SRPK2: variants seen among roughly 807,000 people sequenced by gnomAD.
SRPK2 encodes SRSF protein kinase 2.
Under a neutral mutation model 90.8 loss-of-function variants are expected in SRPK2, and 21 were observed. The ratio of observed to expected loss-of-function variants is 0.23; its 90% CI spans 0.16 to 0.33. The LOEUF (loss-of-function observed/expected upper bound fraction) is 0.33. Ranked by LOEUF, SRPK2 falls within the 10% of genes least tolerant of loss-of-function variation. The pLI is 1.00. For synonymous variants in SRPK2, 288 were observed against 311.1 expected (o/e 0.93, Z 0.78); for missense variants, 620 against 869.0 (o/e 0.71, Z 3.60).
At chr7:105,252,747 CT>C (rs140386836) in intron 2 of SRPK2, among the ~76,000 whole-genome samples, 3,394 of 129,962 alleles carry the variant, frequency 0.026, 64 homozygotes, top group African/African-American at 0.066. Flanking sequence ...TTTTTTTTTT[CT>C]TTTTTTTTTT....
chr7:105,356,862 T>A (rs571986697), intron 2 of SRPK2, among the ~76,000 whole-genome samples: 1 of 152,128 alleles, frequency 6.6e-6, no homozygotes, highest in African/African-American at 2.4e-5. Context: ...AGGCAAAATA[T>A]GAGAAATGAA....
intron 2 of SRPK2, among the ~76,000 whole-genome samples, chr7:105,354,373 A>T (rs1487180635): frequency 6.6e-6 from 1 of 152,100 alleles, no homozygotes; most frequent in Non-Finnish European, 1.5e-5. Context: ...GTACTCAGAG[A>T]TGCTTTTTTC....
chr7:105,321,312 T>C (rs960041725), intron 2 of SRPK2, among the ~76,000 whole-genome samples: 2 of 152,076 alleles, frequency 1.3e-5, no homozygotes, highest in Admixed American at 6.6e-5. Flanking sequence ...TCGTACCTTA[T>C]ACAAAAATAA....
chr7:105,231,500 C>T (rs1228811411), intron 2 of SRPK2, among the ~76,000 whole-genome samples: 15 of 152,114 alleles, frequency 9.9e-5, no homozygotes, highest in Admixed American at 9.8e-4. Context: ...TACTGCTTTC[C>T]ACAGTGGTTG....
chr7:105,276,408 G>A (rs958513399), intron 2 of SRPK2, among the ~76,000 whole-genome samples: 2 of 151,788 alleles, frequency 1.3e-5, no homozygotes, highest in African/African-American at 4.8e-5. Context: ...AAATTAATTC[G>A]TGCCTTACAT....
At chr7:105,344,406 CCTTTTTTTTTTT>C (rs1816208462) in intron 2 of SRPK2, among the ~76,000 whole-genome samples, 1 of 128,612 alleles carries the variant, frequency 7.8e-6, no homozygotes, top group African/African-American at 2.8e-5. Context: ...TGCAGCCACA[CCTTTTTTTTTTT>C]TTTTTTTTTT....
intron 11 of SRPK2, among the ~76,000 whole-genome samples, chr7:105,136,957 G>C (rs1478219863): frequency 6.6e-6 from 1 of 152,106 alleles, no homozygotes; most frequent in Non-Finnish European, 1.5e-5. Context: ...TGGGCAATAA[G>C]GCAAATAAAC....
At chr7:105,182,231 CAAAAAAAAA>C (rs368137906) in intron 3 of SRPK2, among the ~76,000 whole-genome samples, 1 of 65,852 alleles carries the variant, frequency 1.5e-5, no homozygotes, top group African/African-American at 6.1e-5. Context: ...GACTCTGTCT[CAAAAAAAAA>C]AAAAAAAAAA....
At chr7:105,256,056 C>T (rs1300509228) in intron 2 of SRPK2, among the ~76,000 whole-genome samples, 4 of 152,170 alleles carry the variant, frequency 2.6e-5, no homozygotes, top group African/African-American at 2.4e-5. Flanking sequence ...GAGCAGTGAT[C>T]TGCAGTGTTT....
At chr7:105,126,383 A>G (rs1308572455) in intron 14 of SRPK2, 43 bp from the exon 15 acceptor site, 22 of 1,418,338 alleles carry the variant, frequency 1.6e-5, no homozygotes, top group Non-Finnish European at 2.2e-5. Flanking sequence ...GGGAGGGGCA[A>G]AGGGAAGGAT....
At chr7:105,134,942 G>A (rs773473585) in intron 11 of SRPK2, among the ~76,000 whole-genome samples, 7 of 152,122 alleles carry the variant, frequency 4.6e-5, no homozygotes, top group Non-Finnish European at 1.0e-4. Context: ...ATGAGCTCAG[G>A]AAAAGAAACA....
At chr7:105,386,170 C>CAGGT (rs1304311387) in intron 2 of SRPK2, among the ~76,000 whole-genome samples, 1 of 151,868 alleles carries the variant, frequency 6.6e-6, no homozygotes, top group African/African-American at 2.4e-5. Flanking sequence ...AAATATTAGC[C>CAGGT]GGGCGTGGTG....
intron 2 of SRPK2, among the ~76,000 whole-genome samples, chr7:105,210,545 T>C (rs758678032): frequency 6.6e-6 from 1 of 152,216 alleles, no homozygotes; most frequent in Non-Finnish European, 1.5e-5. Flanking sequence ...TCCTCTTTAA[T>C]GAAAGGTTAA....
rs192403635 is a variant in SRPK2, at chr7:105,336,465, G to T, written c.71+52183C>A. ...AAATTTACAACTCAAACATGTATAT[G>T]TACCAGTTTTTCAGAATATTGGAGT... On this transcript the variant is annotated intron_variant, in intron 2 of 15. Coordinates refer to ENST00000393651, the MANE Select transcript of SRPK2 (RefSeq NM_182692.3). 3.7e-4 allele frequency among the ~76,000 whole-genome samples: 57 copies of T among 152,134 alleles called. 1 individual carries two copies. Among genetic ancestry groups the T allele is most frequent in the South Asian group, 8.3e-4 (4 of 4,828 alleles).
intron 2 of SRPK2, among the ~76,000 whole-genome samples, chr7:105,277,696 C>T (rs1806703814): frequency 6.6e-6 from 1 of 152,194 alleles, no homozygotes; most frequent in Non-Finnish European, 1.5e-5. Flanking sequence ...TTCTGCAAAA[C>T]ATAAAAATCA....
chr7:105,247,871 C>CTTT (rs201687224), intron 2 of SRPK2, among the ~76,000 whole-genome samples: 2 of 139,386 alleles, frequency 1.4e-5, no homozygotes, highest in African/African-American at 5.3e-5. Context: ...CCTTAACAAT[C>CTTT]TTTTTTTTTT....
intron 2 of SRPK2, among the ~76,000 whole-genome samples, chr7:105,359,150 CTTTTTTTTTTTTTTTT>C (rs35765090): frequency 1.8e-5 from 1 of 54,796 alleles, no homozygotes; most frequent in Non-Finnish European, 3.1e-5. Flanking sequence ...CAAACCACAG[CTTTTTTTTTTTTTTTT>C]TTTTTTTTTG....
intron 2 of SRPK2, among the ~76,000 whole-genome samples, chr7:105,288,271 A>G (rs1301606624): frequency 6.6e-6 from 1 of 152,112 alleles, no homozygotes. Flanking sequence ...AAAATAAATC[A>G]CTGAACTTAA....
At chr7:105,194,286 C>T (rs987746124) in intron 3 of SRPK2, among the ~76,000 whole-genome samples, 1 of 152,080 alleles carries the variant, frequency 6.6e-6, no homozygotes, top group East Asian at 1.9e-4. Context: ...TACATATTCA[C>T]TGTAAGATTA....
Sources: gnomAD v4.1 joint callset for allele counts (sites outside exome capture counted in the v4.1 genomes callset) on GRCh38, gnomAD v4.1.1 for gene constraint, MANE v1.5 for transcripts, NCBI Gene and HGNC (gene_info 2026-07-23, HGNC 2026-07-21) for gene names.